The following VAV2 variants were observed in gnomAD, a reference collection of about 807,000 sequenced individuals.
VAV2 encodes the protein vav guanine nucleotide exchange factor 2, also known as guanine nucleotide exchange factor VAV2.
A neutral mutation model predicts 132.5 loss-of-function variants in VAV2; 67 were observed. The observed-to-expected ratio is 0.51, with a 90% CI of 0.42 to 0.62. The LOEUF (loss-of-function observed/expected upper bound fraction) is 0.62, where lower values mean the gene tolerates loss of function less well. Among genes scored for constraint, VAV2 ranks in the 20% least tolerant of loss-of-function variants. The pLI, the probability that VAV2 is intolerant of heterozygous loss-of-function variation, is 0.00. For synonymous variants in VAV2, 492 were observed against 443.5 expected (o/e 1.11, Z -1.37); for missense variants, 938 against 1,153.6 (o/e 0.81, Z 2.71).
chr9:133,778,945 T>C, intron 21 of VAV2, 56 bp from the exon 22 acceptor site: 9 of 1,591,594 alleles, frequency 5.7e-6, no homozygotes, highest in Non-Finnish European at 6.0e-6. Context: ...GGTGACTGAC[T>C]TGGCCCCGGC....
In VAV2 at chr9:133,784,355, G is replaced by T. The variant is rs1834134209; in HGVS notation, c.1596C>A (p.Asp532Glu). 1 of 1,614,104 alleles carries T rather than the reference G, an allele frequency of 6.2e-7. No individual in the cohort carries two copies. The change falls in exon 18 of 30, where the codon GAC becomes GAA. Residue 532 changes from aspartate (D) to glutamate (E), a missense_variant. Asp to Glu is a conservative substitution (Grantham distance 45). Transcript: ENST00000371850. ...NHHSFQMYTF[D>E]KTTNCKACKM... Reference sequence around the variant, plus strand: ...TGCAGGCTTTGCAGTTGGTGGTCTTGTCAAACGTGTACATCTGGAAACTGT... The same window carrying T: ...TGCAGGCTTTGCAGTTGGTGGTCTTTTCAAACGTGTACATCTGGAAACTGT...
chr9:133,800,043 T>C (rs1834871692), intron 9 of VAV2, among the ~76,000 whole-genome samples: 1 of 152,214 alleles, frequency 6.6e-6, no homozygotes, highest in African/African-American at 2.4e-5. Flanking sequence ...GGACCGTGAC[T>C]GTCGCCGTTC....
intron 1 of VAV2, among the ~76,000 whole-genome samples, chr9:133,941,904 G>A (rs114683875): frequency 0.021 from 3,260 of 152,202 alleles, 109 homozygotes; most frequent in African/African-American, 0.074. Flanking sequence ...ACGCCAGGCC[G>A]TGATTCCACT....
intron 2 of VAV2, among the ~76,000 whole-genome samples, chr9:133,875,055 C>A (rs1838208794): frequency 6.6e-6 from 1 of 152,194 alleles, no homozygotes; most frequent in African/African-American, 2.4e-5. Context: ...TGAGGACGGT[C>A]ACCATAAAAA....
chr9:133,844,299 G>A (rs991619408), intron 3 of VAV2, among the ~76,000 whole-genome samples: 6 of 152,220 alleles, frequency 3.9e-5, no homozygotes, highest in African/African-American at 1.2e-4. Flanking sequence ...ATGGCCAGTG[G>A]TCCACAGGGT....
chr9:133,982,772 G>GC (rs1312288987), intron 1 of VAV2, among the ~76,000 whole-genome samples: 1 of 152,240 alleles, frequency 6.6e-6, no homozygotes, highest in Non-Finnish European at 1.5e-5. Flanking sequence ...AAATGGTTGA[G>GC]CAGGGTGGTG....
chr9:133,874,032 G>A (rs760082079), intron 2 of VAV2, among the ~76,000 whole-genome samples: 1 of 152,210 alleles, frequency 6.6e-6, no homozygotes, highest in Non-Finnish European at 1.5e-5. Context: ...TGGTTCTGTG[G>A]CTCTCCCCTT....
In VAV2 at chr9:133,964,056, TATAC is replaced by T. The variant is rs1564507748; in HGVS notation, c.205-24841_205-24838del. On this transcript the variant is annotated intron_variant, in intron 1 of 29. Coordinates refer to ENST00000371850, the MANE Select transcript of VAV2 (RefSeq NM_001134398.2). ...ATATATATATATATATATACATATA[TATAC>T]ATATATATAAATGAATAGGCCAGGT... Among the ~76,000 whole-genome samples, 10 of 134,830 alleles carry T rather than the reference TATAC, an allele frequency of 7.4e-5. 1 individual carries two copies. The highest frequency in any genetic ancestry group is 2.1e-4 in the East Asian group (1 of 4,754). The allele number at this position is 134,830 out of a possible 152,430, so 88.5% of individuals were successfully genotyped here.
chr9:133,910,585 C>T (rs1246940969), intron 2 of VAV2, among the ~76,000 whole-genome samples: 1 of 150,348 alleles, frequency 6.7e-6, no homozygotes, highest in Admixed American at 6.6e-5. Flanking sequence ...CTGAGGCCGG[C>T]GGATCACGAG....
intron 2 of VAV2, among the ~76,000 whole-genome samples, chr9:133,903,869 G>T (rs1159320961): frequency 6.6e-6 from 1 of 152,138 alleles, no homozygotes; most frequent in African/African-American, 2.4e-5. Flanking sequence ...GAAAGCCAGG[G>T]GAAGAGTTTG....
chr9:133,835,400 C>A (rs537882465), intron 3 of VAV2, among the ~76,000 whole-genome samples: 1 of 101,896 alleles, frequency 9.8e-6, no homozygotes, highest in East Asian at 3.0e-4. Flanking sequence ...CGGGGAGAGG[C>A]GGAAGGGAGG....
intron 2 of VAV2, among the ~76,000 whole-genome samples, chr9:133,929,532 C>T (rs1840602036): frequency 6.6e-6 from 1 of 152,026 alleles, no homozygotes; most frequent in South Asian, 2.1e-4. Flanking sequence ...GGACCCAAGG[C>T]TGATAGACAA....
chr9:133,971,808 C>T lies in VAV2; in HGVS notation c.204+20267G>A, dbSNP rs560315585. Among the ~76,000 whole-genome samples, 125 of 152,258 alleles carry T rather than the reference C, an allele frequency of 8.2e-4. 3 individuals carry two copies. In the South Asian group the frequency reaches 0.02, roughly 25 times the overall value. ...CGGGTCCTGAATCACAATGGGGAGG[C>T]GGCCAGGGCTTCCCCCAACAGAAAG... On this transcript the variant is annotated intron_variant, in intron 1 of 29. Coordinates refer to ENST00000371850, the MANE Select transcript of VAV2 (RefSeq NM_001134398.2).
chr9:133,810,237 G>C, intron 5 of VAV2, 32 bp from the exon 6 acceptor site: 1 of 1,612,954 alleles, frequency 6.2e-7, no homozygotes. Context: ...CAGAAACAGC[G>C]CCGGTTAGCA....
Position 133,823,144 on chromosome 9 carries a change from C to T in VAV2, c.450-10928G>A, listed in dbSNP as rs1393346976. ...GACCTCATTATCCCCAGCCCTTCCTCCTACCACAGTGAACCAGGCCCAGGC... is the reference window on the plus strand; with the variant it reads ...GACCTCATTATCCCCAGCCCTTCCTTCTACCACAGTGAACCAGGCCCAGGC... On this transcript the variant is annotated intron_variant, in intron 4 of 29. Transcript: ENST00000371850. This position sits in a 1 kb window ranked among gnomAD's most constrained non-coding sequence, Gnocchi z 5.5. 6.6e-6 allele frequency among the ~76,000 whole-genome samples: 1 copy of T among 152,252 alleles called. No individual in the cohort carries two copies. The highest frequency in any genetic ancestry group is 1.5e-5 in the Non-Finnish European group (1 of 68,050).
intron 1 of VAV2, among the ~76,000 whole-genome samples, chr9:133,964,036 T>TAC (rs1842055132): frequency 1.0e-5 from 1 of 99,046 alleles, no homozygotes; most frequent in Non-Finnish European, 2.2e-5. Context: ...TATATATATA[T>TAC]ATATATATAT....
rs1273029090 is a variant in VAV2, at chr9:133,939,043, TGA to T, written c.321+58_321+59del. The T allele has an allele frequency of 2.8e-4, 426 of 1,514,614 alleles. 1 individual carries two copies. The highest frequency in any genetic ancestry group is 3.8e-4 in the Non-Finnish European group (415 of 1,089,736). The allele number at this position is 1,514,614 out of a possible 1,614,324, so 93.8% of individuals were successfully genotyped here. A position where few individuals can be genotyped will look rare whatever the true frequency, so the allele number is the denominator to read the frequency against. ...TCCATGGATCTGGCCCACCTGCCGCTGAGCCGGCAAATCGGCCACCACAGCTG... is the reference window on the plus strand; with the variant it reads ...TCCATGGATCTGGCCCACCTGCCGCTGCCGGCAAATCGGCCACCACAGCTG... On this transcript the variant is annotated intron_variant, in intron 2 of 29. Coordinates refer to ENST00000371850, the MANE Select transcript of VAV2 (RefSeq NM_001134398.2).
Position 133,992,177 on chromosome 9 carries a change from C to A in VAV2, c.102G>T (p.Ala34=). ...GAAGGACCCCGTCGCGCAGCGCCTG[C>A]GCCAGGTCGAAGACCACGGCCGAGG... ...VWPSAVVFDL[A]QALRDGVLLC... The change falls in exon 1 of 30, where the codon GCG becomes GCT. Residue 34 remains alanine (A), a synonymous_variant. Transcript: ENST00000371850. The surrounding 1 kb of genome is among the most constrained non-coding windows in gnomAD (Gnocchi z 5.5). 4 of 1,599,592 alleles carry A rather than the reference C, an allele frequency of 2.5e-6. No homozygotes were observed. Among genetic ancestry groups the A allele is most frequent in the Non-Finnish European group, 3.4e-6 (4 of 1,173,254 alleles).
chr9:133,771,306 C>T (rs967381439), intron 26 of VAV2, among the ~76,000 whole-genome samples: 1 of 152,046 alleles, frequency 6.6e-6, no homozygotes, highest in African/African-American at 2.4e-5. Context: ...TCAAGTGATT[C>T]ACCCACCTCG....
Sources: allele counts gnomAD v4.1 joint callset (sites outside exome capture counted in the v4.1 genomes callset), GRCh38; gene constraint gnomAD v4.1.1; non-coding constraint Gnocchi (gnomAD v3.1); transcripts MANE v1.5; gene names NCBI Gene and HGNC (gene_info 2026-07-23, HGNC 2026-07-21).